Variants in RIMS1 observed in about 807,000 individuals in gnomAD.
RIMS1 encodes the protein regulating synaptic membrane exocytosis protein 1.
RIMS1 carries 83 observed loss-of-function variants against 214.1 expected under a neutral mutation model. The observed-to-expected ratio is 0.39, with a 90% CI of 0.32 to 0.47. RIMS1 has a LOEUF of 0.47. RIMS1 is among the 20% of genes least tolerant of loss of function. RIMS1 has a pLI of 0.99. For missense variants in RIMS1, 2,050 were observed against 2,161.8 expected (o/e 0.95, Z 1.03); for synonymous variants, 793 against 786.8 (o/e 1.01, Z -0.13).
At chr6:72,231,765 A>G (rs1375443254) in intron 6 of RIMS1, among the ~76,000 whole-genome samples, 2 of 151,838 alleles carry the variant, frequency 1.3e-5, no homozygotes, top group South Asian at 2.1e-4. Flanking sequence ...ACCCAGAAAC[A>G]TCAGCTTTTG....
chr6:72,263,338 C>T (rs2078910103), intron 19 of RIMS1: 6 of 984,886 alleles, frequency 6.1e-6, no homozygotes, highest in Admixed American at 6.2e-5. Context: ...TTACTGTATC[C>T]TACTGTGTCC....
Position 72,265,031 on chromosome 6 carries a change from G to T in RIMS1, c.3173G>T (p.Ser1058Ile). The T allele has an allele frequency of 6.3e-7, 1 of 1,588,924 alleles. No homozygotes were observed. The highest frequency in any genetic ancestry group is 8.6e-7 in the Non-Finnish European group (1 of 1,164,242). The change falls in exon 20 of 34, where the codon AGT (serine) becomes ATT (isoleucine). Residue 1058 changes from serine (S) to isoleucine (I), a missense_variant. Around this residue, in one of 6 missense-constraint regions of RIMS1, gnomAD observed 889 missense variants for 885.5 expected, o/e 1.00. Transcript: ENST00000521978. ...LPPKMPLLQS[S>I]SHWNIYSSIL... ...CCCAAGATGCCTTTATTACAGAGCA[G>T]TTCTCACTGGAATATTTACAGGTAA...
At chr6:71,936,375 G>C (rs1411518613) in intron 1 of RIMS1, among the ~76,000 whole-genome samples, 12 of 151,100 alleles carry the variant, frequency 7.9e-5, no homozygotes, top group Admixed American at 3.3e-4. Context: ...AAGGTGTGAG[G>C]GATGGTTATA....
chr6:72,226,129 G>A (rs575416934), intron 6 of RIMS1, among the ~76,000 whole-genome samples: 7 of 152,056 alleles, frequency 4.6e-5, no homozygotes, highest in South Asian at 2.1e-4. Flanking sequence ...AGTTGTGTGC[G>A]CATGCATGTG....
chr6:72,111,533 G>C (rs2036084902), intron 4 of RIMS1, among the ~76,000 whole-genome samples: 1 of 152,078 alleles, frequency 6.6e-6, no homozygotes, highest in Non-Finnish European at 1.5e-5. Context: ...CTGTCTCTTA[G>C]AGAAACATTT....
chr6:72,030,864 T>C (rs1351695213), intron 2 of RIMS1, among the ~76,000 whole-genome samples: 1 of 152,144 alleles, frequency 6.6e-6, no homozygotes, highest in East Asian at 1.9e-4. Context: ...GTTCAAACTC[T>C]CTTTGTTTTA....
intron 28 of RIMS1, among the ~76,000 whole-genome samples, chr6:72,331,844 T>G (rs2096670005): frequency 6.6e-6 from 1 of 151,884 alleles, no homozygotes; most frequent in Non-Finnish European, 1.5e-5. Flanking sequence ...AATCATTTAT[T>G]ATTATCAGAA....
intron 25 of RIMS1, 45 bp from the exon 26 acceptor site, chr6:72,291,889 A>G: frequency 2.1e-6 from 3 of 1,416,402 alleles, no homozygotes; most frequent in Non-Finnish European, 2.9e-6. Context: ...GTCAGACCAC[A>G]TTGGAATTTC....
chr6:72,198,417 T>C (rs1312050745), intron 6 of RIMS1, among the ~76,000 whole-genome samples: 1 of 151,974 alleles, frequency 6.6e-6, no homozygotes, highest in Non-Finnish European at 1.5e-5. Flanking sequence ...AAACATCATA[T>C]ACTCTCACTC....
chr6:72,037,764 T>C (rs990117162), intron 2 of RIMS1, among the ~76,000 whole-genome samples: 5 of 151,972 alleles, frequency 3.3e-5, no homozygotes, highest in African/African-American at 1.2e-4. Flanking sequence ...TTTTTTATGT[T>C]CTTACTTTAT....
At chr6:71,918,589 G>A (rs1036737625) in intron 1 of RIMS1, among the ~76,000 whole-genome samples, 3 of 152,152 alleles carry the variant, frequency 2.0e-5, no homozygotes, top group African/African-American at 7.2e-5. Context: ...AGGGTCATGA[G>A]GTTTAAGTTT....
chr6:72,380,453 G>A (rs752403889), intron 29 of RIMS1, among the ~76,000 whole-genome samples: 2 of 152,132 alleles, frequency 1.3e-5, no homozygotes, highest in Non-Finnish European at 2.9e-5. Context: ...GCTTCAACCT[G>A]AAGTATTACT....
At chr6:72,303,314 C>T (rs188518542) in intron 26 of RIMS1, among the ~76,000 whole-genome samples, 1 of 150,430 alleles carries the variant, frequency 6.6e-6, no homozygotes, top group Admixed American at 6.6e-5. Flanking sequence ...AGGGATAGAT[C>T]TAGAAAAATG....
chr6:71,890,231 G>A (rs1388989351), intron 1 of RIMS1, among the ~76,000 whole-genome samples: 1 of 152,018 alleles, frequency 6.6e-6, no homozygotes, highest in African/African-American at 2.4e-5. Flanking sequence ...ATTTGAAATT[G>A]AAAGTACTTT....
At chr6:71,917,761 A>T (rs1778850364) in intron 1 of RIMS1, among the ~76,000 whole-genome samples, 1 of 152,174 alleles carries the variant, frequency 6.6e-6, no homozygotes, top group African/African-American at 2.4e-5. Context: ...GCTTGAACCA[A>T]CCAAAGCAGT....
chr6:72,280,586 C>T (rs2089604946), intron 23 of RIMS1, among the ~76,000 whole-genome samples: 1 of 151,928 alleles, frequency 6.6e-6, no homozygotes, highest in Admixed American at 6.6e-5. Flanking sequence ...ATTATAAAGA[C>T]ATATCCTTTG....
intron 22 of RIMS1, 150 bp downstream of exon 22, chr6:72,266,199 T>C: frequency 1.4e-6 from 1 of 691,730 alleles, no homozygotes; most frequent in Non-Finnish European, 2.6e-6. Context: ...ATTATACATG[T>C]CTATTTAGAG....
chr6:72,237,767 A>C, intron 8 of RIMS1, 56 bp from the exon 9 acceptor site: 10 of 1,201,282 alleles, frequency 8.3e-6, no homozygotes, highest in South Asian at 1.3e-5. Context: ...TCCTCAAACT[A>C]ATAAGCTTAT....
chr6:72,097,321 T>C (rs2153804553), intron 3 of RIMS1, among the ~76,000 whole-genome samples, 159 bp downstream of exon 3: 1 of 152,320 alleles, frequency 6.6e-6, no homozygotes, highest in African/African-American at 2.4e-5. Flanking sequence ...AATAAGGTAG[T>C]GGAATGCTGA....
Sources: gnomAD v4.1 joint callset for allele counts (sites outside exome capture counted in the v4.1 genomes callset) on GRCh38, gnomAD v4.1.1 for gene constraint, gnomAD v4.1.1 regional missense constraint, MANE v1.5 for transcripts, NCBI Gene and HGNC (gene_info 2026-07-23, HGNC 2026-07-21) for gene names.